Variants in ZNF860 observed in about 807,000 individuals in gnomAD.
ZNF860 encodes the protein zinc finger protein 860.
For synonymous variants in ZNF860, 206 were observed against 248.9 expected (o/e 0.83, Z 1.62); for missense variants, 641 against 759.2 (o/e 0.84, Z 1.83).
chr3:31,994,399 A>T (rs982518466), downstream of ZNF860, among the ~76,000 whole-genome samples: 9 of 152,212 alleles, frequency 5.9e-5, no homozygotes, highest in African/African-American at 2.2e-4. Flanking sequence ...TGAACTTCTC[A>T]AACAAATTTT....
rs763171456 is a variant in ZNF860, at chr3:31,990,407, T to G, written c.1328T>G (p.Val443Gly). ...KFFRRRSYLV[V>G]HWRTHTGEKP... ...TTTAGACGTCGTTCATATCTCGTAG[T>G]TCATTGGCGAACTCATACTGGAGAG... The change falls in exon 2 of 2, where the codon GTT becomes GGT. Residue 443 changes from valine (V) to glycine (G), a missense_variant. Physicochemically the swap from Val to Gly is moderately radical, Grantham distance 109. Transcript: ENST00000360311. The G allele has an allele frequency of 2.5e-6, 4 of 1,613,802 alleles. No homozygotes were observed. The South Asian group carries it at 4.4e-5, about 18-fold the overall frequency.
At chr3:31,982,874 C>T (rs976426340) in intron 1 of ZNF860, among the ~76,000 whole-genome samples, 1 of 152,210 alleles carries the variant, frequency 6.6e-6, no homozygotes. Context: ...TCCACATGGA[C>T]CTTAGGCTTG....
chr3:32,001,236 C>T, the ZNF860 span, among the ~76,000 whole-genome samples: 1 of 152,166 alleles, frequency 6.6e-6, no homozygotes, highest in Non-Finnish European at 1.5e-5. Context: ...ATTCATTCAG[C>T]CTGGATGTGT....
At position 31,989,651 on chromosome 3, in the gene ZNF860, C is replaced by T. The variant is rs776939738; in HGVS notation, c.572C>T (p.Thr191Met). ...ATCAACGATGCTTCCTCAGTTCTAA[C>T]GTCCCAAAGAATTTCTTCTAGGCCC... ...KSINDASSVLTSQRISSRPKI... is the reference protein window; with the variant it reads ...KSINDASSVLMSQRISSRPKI... Residue 191 changes from threonine (T) to methionine (M), a missense_variant, in exon 2 of 2, where the codon ACG becomes ATG. Physicochemically the swap from Thr to Met is moderately conservative, Grantham distance 81. Coordinates refer to ENST00000360311, the MANE Select transcript of ZNF860 (RefSeq NM_001137674.3). The T allele has an allele frequency of 7.4e-6, 12 of 1,613,992 alleles. No individual in the cohort carries two copies. The East Asian group carries it at 1.1e-4, about 15-fold the overall frequency.
Position 31,990,396 on chromosome 3 carries a change from A to G in ZNF860, c.1317A>G (p.Ser439=), listed in dbSNP as rs184552233. ...NKCGKFFRRR[S]YLVVHWRTHT... ...GTGGCAAATTTTTTAGACGTCGTTC[A>G]TATCTCGTAGTTCATTGGCGAACTC... Residue 439 remains serine (S), a synonymous_variant, in exon 2 of 2, where the codon TCA becomes TCG. Coordinates refer to ENST00000360311, the MANE Select transcript of ZNF860 (RefSeq NM_001137674.3). 9 of 1,614,138 alleles carry G rather than the reference A, an allele frequency of 5.6e-6. No individual in the cohort carries two copies. Among genetic ancestry groups the G allele is most frequent in the Non-Finnish European group, 7.6e-6 (9 of 1,179,956 alleles).
At chr3:32,000,452 C>A in the ZNF860 span, among the ~76,000 whole-genome samples, 1 of 152,210 alleles carries the variant, frequency 6.6e-6, no homozygotes, top group Non-Finnish European at 1.5e-5. Flanking sequence ...ATCACCCCAC[C>A]ACACCAGTGG....
Position 31,988,885 on chromosome 3 carries a change from A to G in ZNF860, c.-195A>G. 1 of 661,340 alleles carries G rather than the reference A, an allele frequency of 1.5e-6. No homozygotes were observed. The highest frequency in any genetic ancestry group is 2.6e-6 in the Non-Finnish European group (1 of 391,896). 41.0% of individuals were successfully genotyped at this position (661,340 alleles called of 1,614,324 possible). A position where few individuals can be genotyped will look rare whatever the true frequency, so the allele number is the denominator to read the frequency against. On this transcript the variant is annotated 5_prime_UTR_variant, in exon 2 of 2. Coordinates refer to ENST00000360311, the MANE Select transcript of ZNF860 (RefSeq NM_001137674.3). ...CACAGCTTGACTACAACCCAGAGAGACACTGAGCCAGGAACACCCAGCTGA... is the reference window on the plus strand; with the variant it reads ...CACAGCTTGACTACAACCCAGAGAGGCACTGAGCCAGGAACACCCAGCTGA...
chr3:32,004,582 G>A, the ZNF860 span, among the ~76,000 whole-genome samples: 8 of 152,188 alleles, frequency 5.3e-5, no homozygotes, highest in South Asian at 2.1e-4. Context: ...CACATTCTTC[G>A]GTTCCTCTGC....
chr3:32,004,832 A>T, the ZNF860 span, among the ~76,000 whole-genome samples: 1 of 152,180 alleles, frequency 6.6e-6, no homozygotes, highest in East Asian at 1.9e-4. Flanking sequence ...GGATAGCTAG[A>T]ATTTTTACAG....
the ZNF860 span, among the ~76,000 whole-genome samples, chr3:32,004,155 G>A: frequency 2.0e-5 from 3 of 152,128 alleles, no homozygotes; most frequent in South Asian, 6.2e-4. Context: ...AAAAATTAAC[G>A]AGTGTCCATG....
At chr3:31,993,436 G>C (rs886608988), downstream of ZNF860, among the ~76,000 whole-genome samples, 4 of 151,854 alleles carry the variant, frequency 2.6e-5, no homozygotes, top group African/African-American at 9.7e-5. Context: ...TCAAACTCCT[G>C]ACCTCAGGTG....
At chr3:32,001,592 T>G in the ZNF860 span, among the ~76,000 whole-genome samples, 6 of 152,184 alleles carry the variant, frequency 3.9e-5, no homozygotes, top group Non-Finnish European at 7.3e-5. Flanking sequence ...ATTACAGAGA[T>G]TTATATTCTG....
chr3:31,986,030 G>A (rs1184784583), intron 1 of ZNF860, among the ~76,000 whole-genome samples: 1 of 152,142 alleles, frequency 6.6e-6, no homozygotes, highest in African/African-American at 2.4e-5. Flanking sequence ...CACTTGCTTT[G>A]CAATGAATCC....
the ZNF860 span, among the ~76,000 whole-genome samples, chr3:31,999,175 G>C: frequency 1.3e-5 from 2 of 152,138 alleles, no homozygotes; most frequent in Non-Finnish European, 2.9e-5. Flanking sequence ...GACTGCACAA[G>C]AGCTGCAGTG....
chr3:31,986,937 T>C (rs1285304212), intron 1 of ZNF860, among the ~76,000 whole-genome samples: 1 of 152,042 alleles, frequency 6.6e-6, no homozygotes, highest in Non-Finnish European at 1.5e-5. Flanking sequence ...CGCCCAGAAA[T>C]TTGAGGCTGC....
At position 31,989,858 on chromosome 3, in the gene ZNF860, G is replaced by A; in HGVS notation, c.779G>A (p.Cys260Tyr). Residue 260 changes from cysteine (C) to tyrosine (Y), a missense_variant, in exon 2 of 2, where the codon TGT becomes TAT. Physicochemically the swap from Cys to Tyr is radical, Grantham distance 194. Coordinates refer to ENST00000360311, the MANE Select transcript of ZNF860 (RefSeq NM_001137674.3). ...IIYLGGKQYKCDVCGKVFNQK... is the reference protein window; with the variant it reads ...IIYLGGKQYKYDVCGKVFNQK... The stretch of plus-strand genomic sequence containing the variant: ...TATTTAGGAGGGAAACAATATAAAT[G>A]TGATGTATGTGGCAAGGTCTTTAAT... The A allele has an allele frequency of 2.5e-6, 4 of 1,614,174 alleles. No individual in the cohort carries two copies. Among genetic ancestry groups the A allele is most frequent in the Non-Finnish European group, 2.5e-6 (3 of 1,180,022 alleles).
intron 1 of ZNF860, chr3:31,986,547 C>A (rs1445825458): frequency 6.6e-6 from 1 of 152,064 alleles, no homozygotes; most frequent in Non-Finnish European, 1.5e-5. Context: ...AGATCGAGAC[C>A]ATCCTGGCTA....
the ZNF860 span, among the ~76,000 whole-genome samples, chr3:32,003,333 C>T: frequency 6.6e-6 from 1 of 152,142 alleles, no homozygotes; most frequent in Non-Finnish European, 1.5e-5. Flanking sequence ...GGCAAGTAGC[C>T]CCCAGAGGGG....
chr3:32,003,294 G>T, the ZNF860 span, among the ~76,000 whole-genome samples: 2 of 152,224 alleles, frequency 1.3e-5, no homozygotes, highest in Non-Finnish European at 2.9e-5. Context: ...AGTCATTAGC[G>T]TGGTCTTCCT....
Sources: gnomAD v4.1 joint callset for allele counts (sites outside exome capture counted in the v4.1 genomes callset) on GRCh38, gnomAD v4.1.1 for gene constraint, MANE v1.5 for transcripts, NCBI Gene and HGNC (gene_info 2026-07-23, HGNC 2026-07-21) for gene names.